Variants in FZD6 observed in about 807,000 individuals in gnomAD.
The protein encoded by FZD6 is frizzled-6.
A neutral mutation model predicts 61.4 loss-of-function variants in FZD6; 49 were observed. The observed-to-expected ratio is 0.80, with a 90% CI of 0.63 to 1.01. The LOEUF is 1.01. Among genes scored for constraint, FZD6 ranks in the 50% least tolerant of loss-of-function variants. FZD6 has a pLI of 0.00. For missense variants in FZD6, 724 were observed against 848.2 expected (o/e 0.85, Z 1.82); for synonymous variants, 265 against 292.2 (o/e 0.91, Z 0.95).
rs1238134446 is a variant in FZD6, at chr8:103,300,081, T to C, written c.-27T>C. On this transcript the variant is annotated 5_prime_UTR_variant, in exon 2 of 7. The change abolishes an upstream ATG in the 5' untranslated region. Transcript: ENST00000358755. ...TGCAAAGAGTGATTCATCCAAGCCATGTGGTAAAATCAGGAATTTGAAGAA... is the reference window on the plus strand; with the variant it reads ...TGCAAAGAGTGATTCATCCAAGCCACGTGGTAAAATCAGGAATTTGAAGAA... The C allele has an allele frequency of 2.2e-6, 3 of 1,383,066 alleles. No homozygotes were observed. Among genetic ancestry groups the C allele is most frequent in the Non-Finnish European group, 2.1e-6 (2 of 968,884 alleles). 85.7% of individuals were successfully genotyped at this position (1,383,066 alleles called of 1,614,324 possible). A position where few individuals can be genotyped will look rare whatever the true frequency, so the allele number is the denominator to read the frequency against.
At position 103,317,838 on chromosome 8, in the gene FZD6, AAAAG is replaced by A. The variant is rs1250100467; in HGVS notation, c.178-732_178-729del. Among the ~76,000 whole-genome samples, 187 of 75,904 alleles carry A rather than the reference AAAAG, an allele frequency of 2.5e-3. 4 individuals are homozygous for A. The highest frequency in any genetic ancestry group is 4.7e-3 in the African/African-American group (79 of 16,972). 49.8% of individuals were successfully genotyped at this position (75,904 alleles called of 152,430 possible). A position where few individuals can be genotyped will look rare whatever the true frequency, so the allele number is the denominator to read the frequency against. ...AAGACTCTGTCTCAAAAAAAAAAAA[AAAAG>A]AAAGAAAGAAAGAAAGAAAAAAGAA... On this transcript the variant is annotated intron_variant, in intron 2 of 6. Transcript: ENST00000358755.
intron 2 of FZD6, among the ~76,000 whole-genome samples, chr8:103,308,200 G>A (rs1200054084): frequency 6.6e-6 from 1 of 152,186 alleles, no homozygotes; most frequent in Admixed American, 6.5e-5. Context: ...CATCCACAGA[G>A]TAGATTATTT....
chr8:103,309,519 A>G (rs1814436485), intron 2 of FZD6, among the ~76,000 whole-genome samples: 1 of 152,156 alleles, frequency 6.6e-6, no homozygotes, highest in Non-Finnish European at 1.5e-5. Flanking sequence ...ATCTCTGAAA[A>G]TCCCCTTGAT....
intron 2 of FZD6, among the ~76,000 whole-genome samples, chr8:103,314,486 A>G (rs1814578781): frequency 6.6e-6 from 1 of 152,132 alleles, no homozygotes. Context: ...CGATGGAGGA[A>G]ACTGAGAAAA....
chr8:103,320,247 C>G (rs971719992), intron 3 of FZD6, among the ~76,000 whole-genome samples: 3 of 152,132 alleles, frequency 2.0e-5, no homozygotes, highest in African/African-American at 7.2e-5. Flanking sequence ...AAGTGGTCAT[C>G]ATGGAGCATG....
In FZD6 at chr8:103,328,252, T is replaced by C; in HGVS notation, c.1393-16T>C. 2 of 1,587,326 alleles carry C rather than the reference T, an allele frequency of 1.3e-6. No individual in the cohort carries two copies. The highest frequency in any genetic ancestry group is 2.2e-5 in the South Asian group (2 of 90,496). ...AGTGCATCACTGAAAATATTATTAT[T>C]CACTATTTTTTGTAGGCAAAAGCAA... On this transcript the variant is annotated splice_polypyrimidine_tract_variant and intron_variant, in intron 4 of 6. Transcript: ENST00000358755.
chr8:103,307,644 T>G, intron 2 of FZD6: 1 of 416,660 alleles, frequency 2.4e-6, no homozygotes, highest in Non-Finnish European at 4.6e-6. Flanking sequence ...CTGGTCATTC[T>G]TTCATTGATT....
At chr8:103,328,539 A>G (rs946231954) in intron 5 of FZD6, 123 bp downstream of exon 5, 7 of 872,076 alleles carry the variant, frequency 8.0e-6, no homozygotes, top group African/African-American at 5.1e-5. Context: ...TGATTTGCCA[A>G]CTGAAGTTTG....
At chr8:103,309,677 T>C (rs1406934079) in intron 2 of FZD6, among the ~76,000 whole-genome samples, 7 of 152,194 alleles carry the variant, frequency 4.6e-5, no homozygotes, top group African/African-American at 1.2e-4. Context: ...TGTACATACA[T>C]GGACTTGGAA....
At chr8:103,301,092 T>G (rs1028996500) in intron 2 of FZD6, among the ~76,000 whole-genome samples, 4 of 152,196 alleles carry the variant, frequency 2.6e-5, no homozygotes, top group Non-Finnish European at 5.9e-5. Flanking sequence ...TCCCTCAGAT[T>G]GTTGCTAAGA....
chr8:103,332,564 TAATA>T lies in FZD6; in HGVS notation c.*1058_*1061del. On this transcript the variant is annotated 3_prime_UTR_variant, in exon 7 of 7. Coordinates refer to ENST00000358755, the MANE Select transcript of FZD6 (RefSeq NM_003506.4). Reference sequence around the variant, plus strand: ...CAATCAAATGGAAAAAAGGTAGTTTTAATAAACAAGACACAACGTTTTTATACAA... The same window carrying T: ...CAATCAAATGGAAAAAAGGTAGTTTTAACAAGACACAACGTTTTTATACAA... 1 of 152,632 alleles carries T rather than the reference TAATA, an allele frequency of 6.6e-6. No homozygotes were observed. Among genetic ancestry groups the T allele is most frequent in the Middle Eastern group, 3.4e-3 (1 of 294 alleles). 9.5% of individuals were successfully genotyped at this position (152,632 alleles called of 1,614,324 possible).
chr8:103,303,147 A>G (rs756391482), intron 2 of FZD6, among the ~76,000 whole-genome samples: 2 of 152,164 alleles, frequency 1.3e-5, no homozygotes, highest in Admixed American at 6.5e-5. Flanking sequence ...CAGGCCCTTC[A>G]TGTGGGACCC....
At chr8:103,318,831 C>A in intron 3 of FZD6, 45 bp downstream of exon 3, 1 of 1,005,536 alleles carries the variant, frequency 9.9e-7, no homozygotes, top group Non-Finnish European at 1.6e-6. Flanking sequence ...TATTTTACTA[C>A]TGGTACTAGC....
At chr8:103,303,543 A>G (rs1814233145) in intron 2 of FZD6, among the ~76,000 whole-genome samples, 1 of 152,028 alleles carries the variant, frequency 6.6e-6, no homozygotes, top group Admixed American at 6.5e-5. Flanking sequence ...TATCCCTAAT[A>G]CTAAGTACAA....
chr8:103,300,269 C>G lies in FZD6; in HGVS notation c.162C>G (p.Ala54=). The change falls in exon 2 of 7, where the codon GCC becomes GCG. Residue 54 remains alanine (A), a synonymous_variant. Coordinates refer to ENST00000358755, the MANE Select transcript of FZD6 (RefSeq NM_003506.4). ...NLMGHYDQSI[A]AVEMEHFLPL... is the part of the protein sequence containing the mutation. ...TGGGTCATTATGACCAGAGTATTGC[C>G]GCGGTGGAAATGGAGGTGAGTAGTG... is the stretch of plus-strand genomic sequence containing the variant. 1 of 1,610,174 alleles carries G rather than the reference C, an allele frequency of 6.2e-7. No individual in the cohort carries two copies. The highest frequency in any genetic ancestry group is 8.5e-7 in the Non-Finnish European group (1 of 1,176,504).
At chr8:103,309,215 T>A (rs1389179669) in intron 2 of FZD6, among the ~76,000 whole-genome samples, 1 of 152,230 alleles carries the variant, frequency 6.6e-6, no homozygotes, top group Non-Finnish European at 1.5e-5. Context: ...GGGATGCTGA[T>A]GCTGCTCACT....
intron 1 of FZD6, among the ~76,000 whole-genome samples, chr8:103,299,217 G>C (rs1321242051): frequency 6.6e-6 from 1 of 152,236 alleles, no homozygotes; most frequent in Non-Finnish European, 1.5e-5. Flanking sequence ...GGCCAGGAAC[G>C]CTGCTGTCTG....
At chr8:103,320,764 T>C (rs1406640792) in intron 3 of FZD6, among the ~76,000 whole-genome samples, 2 of 152,000 alleles carry the variant, frequency 1.3e-5, no homozygotes, top group African/African-American at 4.8e-5. Flanking sequence ...GGGTTAGGGA[T>C]AGTCATTGGA....
At chr8:103,309,922 T>A (rs73284001) in intron 2 of FZD6, among the ~76,000 whole-genome samples, 186 of 152,324 alleles carry the variant, frequency 1.2e-3, no homozygotes, top group African/African-American at 4.1e-3. Context: ...GTAGGTCTTT[T>A]TTTCAGATTT....
Sources: allele counts gnomAD v4.1 joint callset (sites outside exome capture counted in the v4.1 genomes callset), GRCh38; gene constraint gnomAD v4.1.1; transcripts MANE v1.5; gene names NCBI Gene and HGNC (gene_info 2026-07-23, HGNC 2026-07-21).